AVEN: variants seen among roughly 807,000 people sequenced by gnomAD.
AVEN encodes the protein cell death regulator Aven.
In AVEN, 41 loss-of-function variants were observed where a neutral mutation model predicts 38.1. That is an observed-to-expected ratio of 1.08 (90% CI 0.84 to 1.40). AVEN has a LOEUF of 1.40. Among genes scored for constraint, AVEN ranks in the 40% most tolerant of loss-of-function variants. The pLI is 0.00. For missense variants in AVEN, 605 were observed against 438.8 expected (o/e 1.38, Z -3.38); for synonymous variants, 206 against 171.8 (o/e 1.20, Z -1.56).
chr15:34,044,086 T>TA (rs1451007454), upstream of AVEN, among the ~76,000 whole-genome samples: 2 of 147,664 alleles, frequency 1.4e-5, no homozygotes, highest in East Asian at 2.0e-4. Context: ...TTTCGCCCTT[T>TA]AAAAAAAATG....
intron 1 of AVEN, chr15:34,018,254 C>T (rs1396009657): frequency 6.6e-6 from 1 of 152,196 alleles, no homozygotes; most frequent in African/African-American, 2.4e-5. Context: ...AGGTGGAAGA[C>T]AGTGATATTG....
At chr15:33,912,989 G>C (rs1042422009) in intron 2 of AVEN, among the ~76,000 whole-genome samples, 4 of 151,176 alleles carry the variant, frequency 2.6e-5, no homozygotes, top group Admixed American at 6.6e-5. Flanking sequence ...TCCTGGGTTC[G>C]AGTGATTCTC....
intron 11 of AVEN, chr15:33,861,226 A>C: frequency 7.2e-7 from 1 of 1,382,720 alleles, no homozygotes; most frequent in Non-Finnish European, 1.0e-6. Flanking sequence ...AGCGTAAATA[A>C]AGCCAATTAG....
intron 5 of AVEN, among the ~76,000 whole-genome samples, chr15:34,059,309 G>A (rs1597393609): frequency 6.6e-6 from 1 of 152,296 alleles, no homozygotes; most frequent in East Asian, 1.9e-4. Context: ...AATTGCTTAT[G>A]ACCTGATAAT....
intron 5 of AVEN, among the ~76,000 whole-genome samples, chr15:34,047,913 T>G (rs1241037880): frequency 6.6e-6 from 1 of 151,952 alleles, no homozygotes; most frequent in African/African-American, 2.4e-5. Flanking sequence ...CCACACCAGA[T>G]CCCAGAAATA....
intron 2 of AVEN, among the ~76,000 whole-genome samples, chr15:33,924,024 A>G (rs893456326): frequency 2.6e-5 from 4 of 151,944 alleles, no homozygotes; most frequent in African/African-American, 9.7e-5. Flanking sequence ...TAATAATAGA[A>G]ATAAAGTGCA....
intron 5 of AVEN, among the ~76,000 whole-genome samples, chr15:34,051,878 A>C (rs886339487): frequency 1.3e-5 from 2 of 151,422 alleles, no homozygotes; most frequent in African/African-American, 2.4e-5. Context: ...GAAAAAAAAA[A>C]CCCAGGACCA....
At chr15:34,017,846 C>T (rs1387241174) in intron 1 of AVEN, among the ~76,000 whole-genome samples, 1 of 152,110 alleles carries the variant, frequency 6.6e-6, no homozygotes, top group Non-Finnish European at 1.5e-5. Context: ...GCACCACATA[C>T]CATTTTGGTC....
intron 2 of AVEN, among the ~76,000 whole-genome samples, chr15:33,931,393 C>T (rs1195595493): frequency 3.0e-5 from 3 of 98,586 alleles, no homozygotes; most frequent in Non-Finnish European, 5.4e-5. Context: ...TTTTTTGAGA[C>T]GGAGTCTTGC....
At chr15:33,946,623 T>C (rs525312) in intron 2 of AVEN, among the ~76,000 whole-genome samples, 3 of 151,870 alleles carry the variant, frequency 2.0e-5, no homozygotes, top group East Asian at 3.9e-4. Context: ...AGCAGGCCGG[T>C]GGGTAGGAAG....
At chr15:33,956,466 G>A (rs967345512) in intron 2 of AVEN, among the ~76,000 whole-genome samples, 4 of 152,158 alleles carry the variant, frequency 2.6e-5, no homozygotes, top group Non-Finnish European at 5.9e-5. Context: ...ATGTTTAAGA[G>A]CCATTTGCAT....
At chr15:34,058,331 A>C (rs1900227239) in intron 5 of AVEN, among the ~76,000 whole-genome samples, 1 of 152,110 alleles carries the variant, frequency 6.6e-6, no homozygotes, top group African/African-American at 2.4e-5. Flanking sequence ...ATAAATAAAA[A>C]ATTACAGGAG....
At chr15:33,887,256 C>A (rs956455961) in intron 2 of AVEN, among the ~76,000 whole-genome samples, 3 of 152,068 alleles carry the variant, frequency 2.0e-5, no homozygotes, top group Non-Finnish European at 4.4e-5. Context: ...TGAGAAATAG[C>A]TAGTTAATAA....
At chr15:33,861,424 TA>T (rs1402527334), downstream of AVEN, among the ~76,000 whole-genome samples, 2 of 151,840 alleles carry the variant, frequency 1.3e-5, no homozygotes, top group Non-Finnish European at 2.9e-5. Flanking sequence ...CCGGGACACA[TA>T]CCTCCAGCAA....
chr15:33,916,484 C>T (rs1454847709), intron 2 of AVEN, among the ~76,000 whole-genome samples: 2 of 151,816 alleles, frequency 1.3e-5, no homozygotes, highest in African/African-American at 4.8e-5. Flanking sequence ...AAACTTAAAT[C>T]AGCAGGAAAA....
chr15:33,861,268 G>GT, downstream of AVEN: 1 of 975,252 alleles, frequency 1.0e-6, no homozygotes, highest in South Asian at 1.4e-5. Context: ...TGGAAAAAGA[G>GT]TAACCAGAAA....
At chr15:33,975,858 C>T (rs971140745) in intron 2 of AVEN, among the ~76,000 whole-genome samples, 2 of 152,084 alleles carry the variant, frequency 1.3e-5, no homozygotes, top group African/African-American at 4.8e-5. Context: ...TGAACCCGGG[C>T]AGCGGAGGTT....
intron 2 of AVEN, among the ~76,000 whole-genome samples, chr15:33,986,710 G>T (rs1046334495): frequency 2.0e-5 from 3 of 152,068 alleles, no homozygotes; most frequent in African/African-American, 7.2e-5. Flanking sequence ...AGGCTTGAAT[G>T]CAGTGGCGCA....
intron 2 of AVEN, among the ~76,000 whole-genome samples, chr15:33,923,475 G>T (rs898679421): frequency 6.6e-6 from 1 of 152,166 alleles, no homozygotes; most frequent in Non-Finnish European, 1.5e-5. Flanking sequence ...AGCTGAGATG[G>T]GCAAACTTTC....
Sources: allele counts gnomAD v4.1 joint callset (sites outside exome capture counted in the v4.1 genomes callset), GRCh38; gene constraint gnomAD v4.1.1; transcripts MANE v1.5; gene names NCBI Gene and HGNC (gene_info 2026-07-23, HGNC 2026-07-21).